ANKFN1: variants seen among roughly 807,000 people sequenced by gnomAD.
ANKFN1 encodes the protein ankyrin repeat and fibronectin type-III domain-containing protein 1.
ANKFN1 carries 74 observed loss-of-function variants against 108.7 expected under a neutral mutation model. The observed-to-expected ratio is 0.68, with a 90% CI of 0.56 to 0.83. The LOEUF (loss-of-function observed/expected upper bound fraction) is 0.83, where lower values mean the gene tolerates loss of function less well. Among genes scored for constraint, ANKFN1 ranks in the 40% least tolerant of loss-of-function variants. ANKFN1 has a pLI of 0.00. For missense variants in ANKFN1, 1,505 were observed against 1,382.3 expected, an observed-to-expected ratio of 1.09 and a Z score of -1.41; for synonymous variants, 547 against 516.2, an observed-to-expected ratio of 1.06 and a Z score of -0.81.
chr17:56,339,612 CCA>C (rs2144612979), intron 4 of ANKFN1, among the ~76,000 whole-genome samples: 1 of 152,248 alleles, frequency 6.6e-6, no homozygotes, highest in East Asian at 1.9e-4. Flanking sequence ...CCAGCTCCAC[CCA>C]TGTCCCTGCA....
At chr17:56,119,459 G>GGA (rs1906476696) in intron 4 of ANKFN1, among the ~76,000 whole-genome samples, 1 of 152,082 alleles carries the variant, frequency 6.6e-6, no homozygotes, top group Admixed American at 6.6e-5. Context: ...GGGTAGTGTG[G>GGA]GAGAGTACAC....
At chr17:56,445,530 G>A (rs961196079) in intron 10 of ANKFN1, among the ~76,000 whole-genome samples, 19 of 152,164 alleles carry the variant, frequency 1.2e-4, no homozygotes, top group East Asian at 1.9e-4. Context: ...AAATCCTAAC[G>A]TGGTTATAGT....
intron 1 of ANKFN1, among the ~76,000 whole-genome samples, chr17:56,178,316 C>T (rs1173891530): frequency 6.6e-6 from 1 of 152,154 alleles, no homozygotes; most frequent in East Asian, 1.9e-4. Context: ...GGGGGACATT[C>T]ATTTAAATAT....
In ANKFN1 at chr17:56,278,026, G is replaced by A. The variant is rs547704835; in HGVS notation, c.54-48195G>A. 2.2e-4 allele frequency among the ~76,000 whole-genome samples: 33 copies of A among 152,242 alleles called. No homozygotes were observed. In the South Asian group the frequency reaches 6.8e-3, roughly 32 times the overall value. ...GAAAAACCCTTGCTTCCTTAGGAAG[G>A]TAAACATTTATAGAGCAAATATCAA... On this transcript the variant is annotated intron_variant, in intron 3 of 20. Transcript: ENST00000682825.
chr17:56,374,676 C>A lies in ANKFN1; in HGVS notation c.872C>A (p.Pro291His), dbSNP rs140331523. Residue 291 changes from proline (P) to histidine (H), a missense_variant, in exon 8 of 21, where the codon CCT becomes CAT. Pro to His is a moderately conservative substitution (Grantham distance 77). Transcript: ENST00000682825. ...STSLTVSFQE[P>H]LSVNAAVVTR... The stretch of plus-strand genomic sequence containing the variant: ...TCACTCACTGTCAGCTTCCAAGAGC[C>A]TCTTAGCGTCAATGCAGCTGTAGTA... 5.3e-4 allele frequency: 863 copies of A among 1,613,880 alleles called. 6 individuals carry two copies. The highest frequency in any genetic ancestry group is 1.1e-4 in the Non-Finnish European group (134 of 1,179,812).
chr17:56,069,729 T>C (rs1598087650), intron 4 of ANKFN1, among the ~76,000 whole-genome samples: 1 of 152,136 alleles, frequency 6.6e-6, no homozygotes, highest in African/African-American at 2.4e-5. Context: ...AGAGGGTTCT[T>C]GGATCTCCCA....
chr17:56,276,687 T>C (rs973698780), intron 3 of ANKFN1, among the ~76,000 whole-genome samples: 2 of 152,236 alleles, frequency 1.3e-5, no homozygotes, highest in African/African-American at 4.8e-5. Context: ...TTGCCCACTT[T>C]CTGATTGGGT....
intron 4 of ANKFN1, among the ~76,000 whole-genome samples, chr17:56,133,401 C>A (rs1907400002): frequency 6.6e-6 from 1 of 152,092 alleles, no homozygotes; most frequent in African/African-American, 2.4e-5. Context: ...AGCAATAAAA[C>A]CCTCAGTTTG....
chr17:56,430,147 G>A (rs2048705112), intron 8 of ANKFN1, among the ~76,000 whole-genome samples: 1 of 152,042 alleles, frequency 6.6e-6, no homozygotes, highest in Non-Finnish European at 1.5e-5. Flanking sequence ...AGCTCCTTGA[G>A]GTCAGAGATC....
intron 4 of ANKFN1, among the ~76,000 whole-genome samples, chr17:56,089,299 A>G (rs73325640): frequency 2.0e-5 from 3 of 151,168 alleles, no homozygotes; most frequent in Admixed American, 6.6e-5. Flanking sequence ...TGTATTTACT[A>G]ATTTTCCTAT....
At chr17:56,114,143 A>G (rs1906132697) in intron 4 of ANKFN1, among the ~76,000 whole-genome samples, 1 of 152,166 alleles carries the variant, frequency 6.6e-6, no homozygotes, top group Admixed American at 6.5e-5. Flanking sequence ...TTTCTATATT[A>G]CTCTTCATCT....
At chr17:56,226,775 A>T (rs1480570822) in intron 2 of ANKFN1, among the ~76,000 whole-genome samples, 1 of 152,200 alleles carries the variant, frequency 6.6e-6, no homozygotes, top group Admixed American at 6.6e-5. Context: ...CTGGTTGGCT[A>T]GTTCAATGGC....
At chr17:56,099,842 C>T (rs754176770) in intron 4 of ANKFN1, among the ~76,000 whole-genome samples, 1 of 152,202 alleles carries the variant, frequency 6.6e-6, no homozygotes, top group African/African-American at 2.4e-5. Context: ...GGCATTCCAC[C>T]GTGCTCAAGT....
chr17:56,449,517 C>G (rs1356073676), intron 11 of ANKFN1, among the ~76,000 whole-genome samples: 1 of 152,100 alleles, frequency 6.6e-6, no homozygotes, highest in East Asian at 1.9e-4. Context: ...GATATTCACC[C>G]AAAAACATTT....
Position 56,442,826 on chromosome 17 carries a change from A to G in ANKFN1, c.1009-17A>G, listed in dbSNP as rs1364635453. 1.9e-6 allele frequency: 3 copies of G among 1,611,756 alleles called. No individual in the cohort carries two copies. The African/African-American group carries it at 4.0e-5, about 22-fold the overall frequency. ...GATTAAATAAAATGCCTGATGCATC[A>G]TTTCAATACTTTGCAGGGCCAACAG... On this transcript the variant is annotated splice_polypyrimidine_tract_variant and intron_variant, in intron 9 of 20. Coordinates refer to ENST00000682825, the MANE Select transcript of ANKFN1 (RefSeq NM_001370326.1).
At chr17:56,348,401 T>A (rs1350274732) in intron 4 of ANKFN1, among the ~76,000 whole-genome samples, 1 of 151,938 alleles carries the variant, frequency 6.6e-6, no homozygotes, top group African/African-American at 2.4e-5. Flanking sequence ...GTCTTTTTGT[T>A]TTGAAGAAAG....
At chr17:56,087,417 G>T (rs1422859230) in intron 4 of ANKFN1, among the ~76,000 whole-genome samples, 1 of 151,336 alleles carries the variant, frequency 6.6e-6, no homozygotes, top group Non-Finnish European at 1.5e-5. Flanking sequence ...AGAGACTGTG[G>T]TTTCTTTATC....
At chr17:56,366,965 T>C (rs1335340115) in intron 6 of ANKFN1, among the ~76,000 whole-genome samples, 1 of 152,186 alleles carries the variant, frequency 6.6e-6, no homozygotes, top group African/African-American at 2.4e-5. Context: ...TCCCCTCATG[T>C]AGGAAATTAC....
intron 8 of ANKFN1, among the ~76,000 whole-genome samples, chr17:56,388,587 G>A (rs751049664): frequency 1.1e-4 from 17 of 152,028 alleles, no homozygotes; most frequent in Admixed American, 2.0e-4. Flanking sequence ...TTATGAGTGT[G>A]CACATTTTTG....
Sources: allele counts gnomAD v4.1 joint callset (sites outside exome capture counted in the v4.1 genomes callset), GRCh38; gene constraint gnomAD v4.1.1; transcripts MANE v1.5; gene names NCBI Gene and HGNC (gene_info 2026-07-23, HGNC 2026-07-21).